RCL1: variants seen among roughly 807,000 people sequenced by gnomAD.
The protein encoded by RCL1 is RNA terminal phosphate cyclase like 1.
Under a neutral mutation model 42.4 loss-of-function variants are expected in RCL1, and 24 were observed. The ratio of observed to expected loss-of-function variants is 0.57; its 90% CI spans 0.41 to 0.80. The LOEUF is 0.80. Among genes scored for constraint, RCL1 ranks in the 30% least tolerant of loss-of-function variants. The pLI is 0.00. For synonymous variants in RCL1, 228 were observed against 177.3 expected, an observed-to-expected ratio of 1.29 and a Z score of -2.27; for missense variants, 578 against 467.9, an observed-to-expected ratio of 1.24 and a Z score of -2.17.
At chr9:4,852,325 C>A (rs1817781210) in intron 8 of RCL1, among the ~76,000 whole-genome samples, 1 of 152,046 alleles carries the variant, frequency 6.6e-6, no homozygotes, top group South Asian at 2.1e-4. Flanking sequence ...GTAGTTGCAC[C>A]CTCCATTCAA....
chr9:4,859,101 C>G (rs1196708892), intron 8 of RCL1, among the ~76,000 whole-genome samples: 1 of 152,172 alleles, frequency 6.6e-6, no homozygotes, highest in Non-Finnish European at 1.5e-5. Context: ...GTCTTATGGT[C>G]AGGCTAGCTG....
In RCL1 at chr9:4,812,116, T is replaced by G. The variant is rs181062650; in HGVS notation, c.137-11432T>G. Among the ~76,000 whole-genome samples, 246 of 152,250 alleles carry G rather than the reference T, an allele frequency of 1.6e-3. 1 individual carries two copies. The highest frequency in any genetic ancestry group is 3.7e-3 in the Admixed American group (56 of 15,288). On this transcript the variant is annotated intron_variant, in intron 1 of 8. Transcript: ENST00000381750. The stretch of plus-strand genomic sequence containing the variant: ...TATTAATCCCTTGTTGGATGGATAG[T>G]TTGTATTTTTCTTTCATAGCTTCAC...
At chr9:4,850,210 G>A (rs752930873) in intron 8 of RCL1, 7 of 486,684 alleles carry the variant, frequency 1.4e-5, no homozygotes, top group Admixed American at 7.8e-5. Context: ...GTGTTTTCAC[G>A]TGCTTGCATA....
chr9:4,841,315 T>G lies in RCL1; in HGVS notation c.668T>G (p.Ile223Ser), dbSNP rs149003954. The G allele has an allele frequency of 6.2e-7, 1 of 1,613,166 alleles. No homozygotes were observed. Among genetic ancestry groups the G allele is most frequent in the African/African-American group, 1.3e-5 (1 of 74,896 alleles). Reference protein sequence around the residue: ...RSILNKFIPDIYIYTDHMKGV... With the variant: ...RSILNKFIPDSYIYTDHMKGV... ...ATCCTCAACAAGTTCATACCTGATA[T>G]CTATATTTACACAGATCACATGAAA... Residue 223 changes from isoleucine to serine, a missense_variant, in exon 6 of 9, where the codon ATC (isoleucine) becomes AGC (serine). Transcript: ENST00000381750.
intron 3 of RCL1, among the ~76,000 whole-genome samples, chr9:4,828,976 C>T (rs1489759394): frequency 6.6e-6 from 1 of 152,134 alleles, no homozygotes; most frequent in Admixed American, 6.5e-5. Context: ...TTCCATGGCT[C>T]CTTCATTTCT....
chr9:4,852,722 C>G (rs1287570452), intron 8 of RCL1, among the ~76,000 whole-genome samples: 1 of 151,176 alleles, frequency 6.6e-6, no homozygotes, highest in African/African-American at 2.4e-5. Context: ...TGGTTCCTGC[C>G]TGGACACCCC....
chr9:4,825,340 A>G (rs1816723854), intron 2 of RCL1, among the ~76,000 whole-genome samples: 1 of 152,096 alleles, frequency 6.6e-6, no homozygotes, highest in South Asian at 2.1e-4. Flanking sequence ...GCTAATTTGT[A>G]TAAATAAACA....
At chr9:4,823,187 C>T (rs762028386) in intron 1 of RCL1, among the ~76,000 whole-genome samples, 1 of 151,860 alleles carries the variant, frequency 6.6e-6, no homozygotes, top group Non-Finnish European at 1.5e-5. Context: ...TACTGTTTCT[C>T]CGTTATTTGG....
chr9:4,848,441 C>A (rs1048737999), intron 7 of RCL1, among the ~76,000 whole-genome samples: 4 of 152,144 alleles, frequency 2.6e-5, no homozygotes, highest in African/African-American at 9.7e-5. Flanking sequence ...ACCCTACATG[C>A]CTTAAAAAGG....
intron 7 of RCL1, among the ~76,000 whole-genome samples, chr9:4,846,756 C>T (rs1283360803): frequency 2.0e-5 from 3 of 152,108 alleles, no homozygotes; most frequent in Non-Finnish European, 2.9e-5. Flanking sequence ...TACAGTAGTC[C>T]AGTAGGAGCC....
chr9:4,825,821 C>G (rs1048115032), intron 2 of RCL1, among the ~76,000 whole-genome samples: 1 of 151,722 alleles, frequency 6.6e-6, no homozygotes, highest in Non-Finnish European at 1.5e-5. Context: ...GAGTAAGAAG[C>G]TTTTTGGATA....
intron 1 of RCL1, among the ~76,000 whole-genome samples, chr9:4,815,905 C>A (rs142621009): frequency 2.0e-5 from 3 of 152,102 alleles, no homozygotes; most frequent in African/African-American, 7.2e-5. Flanking sequence ...AGGGAGAAGT[C>A]CTTTTGGTTC....
intron 1 of RCL1, among the ~76,000 whole-genome samples, chr9:4,802,953 T>C (rs1301900320): frequency 6.6e-6 from 1 of 152,012 alleles, no homozygotes; most frequent in Admixed American, 6.6e-5. Context: ...CCTGAGTAGT[T>C]AGGACTACAG....
chr9:4,844,011 G>A (rs1485052958), intron 6 of RCL1, among the ~76,000 whole-genome samples: 2 of 152,120 alleles, frequency 1.3e-5, no homozygotes, highest in African/African-American at 4.8e-5. Context: ...GCATAGACAA[G>A]CAAATTTTTT....
At chr9:4,857,015 A>G (rs1216791677) in intron 8 of RCL1, among the ~76,000 whole-genome samples, 1 of 152,256 alleles carries the variant, frequency 6.6e-6, no homozygotes, top group Admixed American at 6.5e-5. Context: ...GTATACACCG[A>G]GTAGGGGTGA....
chr9:4,847,723 C>T (rs1043888951), intron 7 of RCL1, among the ~76,000 whole-genome samples: 1 of 152,232 alleles, frequency 6.6e-6, no homozygotes, highest in Non-Finnish European at 1.5e-5. Context: ...GAATTCTCGA[C>T]CCATTTCGGA....
rs527584082 is a variant in RCL1, at chr9:4,860,340, G to A, written c.*65G>A. 58 of 1,545,522 alleles carry A rather than the reference G, an allele frequency of 3.8e-5. No homozygotes were observed. In the African/African-American group the frequency reaches 7.6e-4, roughly 20 times the overall value. ...GCAGAAGCTGCCACGGACACCAATG[G>A]GACCAAGTCCAAATGGATTAATCCA... is the stretch of plus-strand genomic sequence containing the variant. On this transcript the variant is annotated 3_prime_UTR_variant, in exon 9 of 9. Transcript: ENST00000381750.
chr9:4,818,812 T>C (rs394995), intron 1 of RCL1, among the ~76,000 whole-genome samples: 122,896 of 150,472 alleles, frequency 0.82, 50,834 homozygotes, highest in East Asian at 1. Flanking sequence ...GCGGAGGTTG[T>C]AGTGAGCTGA....
At position 4,793,435 on chromosome 9, in the gene RCL1, AGCT is replaced by A. The variant is rs542152706; in HGVS notation, c.136+211_136+213del. 4.6e-5 allele frequency among the ~76,000 whole-genome samples: 7 copies of A among 152,282 alleles called. 1 individual carries two copies. The South Asian group carries it at 1.4e-3, about 32-fold the overall frequency. ...GGCCCGAGGGGAGCGCTCAGCTGCA[AGCT>A]GCGCTCGGCGTCTCCGGGGCGCTGG... On this transcript the variant is annotated intron_variant, in intron 1 of 8. Transcript: ENST00000381750.
Sources: allele counts gnomAD v4.1 joint callset (sites outside exome capture counted in the v4.1 genomes callset), GRCh38; gene constraint gnomAD v4.1.1; transcripts MANE v1.5; gene names NCBI Gene and HGNC (gene_info 2026-07-23, HGNC 2026-07-21).